The following KCNIP3 variants were observed in gnomAD, a reference collection of about 807,000 sequenced individuals.
The protein encoded by KCNIP3 is potassium voltage-gated channel interacting protein 3.
KCNIP3 carries 28 observed loss-of-function variants against 35.0 expected under a neutral mutation model. That is an observed-to-expected ratio of 0.80 (90% CI 0.59 to 1.10). The LOEUF is 1.10. Among genes scored for constraint, KCNIP3 ranks in the 50% least tolerant of loss-of-function variants. KCNIP3 has a pLI of 0.00. For missense variants in KCNIP3, 295 were observed against 338.4 expected (o/e 0.87, Z 1.01); for synonymous variants, 134 against 133.8 (o/e 1.00, Z -0.01).
At chr2:95,352,764 T>G (rs1006053530) in intron 2 of KCNIP3, among the ~76,000 whole-genome samples, 1 of 150,770 alleles carries the variant, frequency 6.6e-6, no homozygotes, top group African/African-American at 2.4e-5. Context: ...AGTTAGGGGC[T>G]GGCCAGGGGG....
intron 2 of KCNIP3, among the ~76,000 whole-genome samples, chr2:95,319,257 T>C (rs1678532306): frequency 6.6e-6 from 1 of 152,170 alleles, no homozygotes; most frequent in African/African-American, 2.4e-5. Flanking sequence ...GGGCTCAGTC[T>C]AGCCCCAGGT....
chr2:95,325,875 TCAGA>T (rs562048562), intron 2 of KCNIP3, among the ~76,000 whole-genome samples: 175 of 112,878 alleles, frequency 1.6e-3, no homozygotes, highest in Non-Finnish European at 2.7e-3. Flanking sequence ...ACACATACAC[TCAGA>T]CATACACACA....
intron 2 of KCNIP3, among the ~76,000 whole-genome samples, chr2:95,351,275 C>T (rs2104272915): frequency 6.6e-6 from 1 of 152,386 alleles, no homozygotes; most frequent in African/African-American, 2.4e-5. Flanking sequence ...AGTGAAGTGG[C>T]TTTGCATTTC....
chr2:95,356,917 G>A (rs1378752153), intron 2 of KCNIP3, among the ~76,000 whole-genome samples: 1 of 152,200 alleles, frequency 6.6e-6, no homozygotes, highest in Non-Finnish European at 1.5e-5. Context: ...GATGCATGTG[G>A]CCCACACTTG....
Position 95,384,176 on chromosome 2 carries a change from AC to A in KCNIP3, c.*128del, listed in dbSNP as rs1680426288. 1.6e-6 allele frequency: 1 copy of A among 636,654 alleles called. No homozygotes were observed. The allele number at this position is 636,654 out of a possible 1,614,324, so 39.4% of individuals were successfully genotyped here. A position where few individuals can be genotyped will look rare whatever the true frequency, so the allele number is the denominator to read the frequency against. On this transcript the variant is annotated 3_prime_UTR_variant, in exon 9 of 9. Coordinates refer to ENST00000295225, the MANE Select transcript of KCNIP3 (RefSeq NM_013434.5). ...AAAAAGTGAACAGATTGCTACACACACACACACACACACACACACACACACA... is the reference window on the plus strand; with the variant it reads ...AAAAAGTGAACAGATTGCTACACACAACACACACACACACACACACACACA...
intron 2 of KCNIP3, among the ~76,000 whole-genome samples, chr2:95,324,307 C>G (rs541286505): frequency 8.6e-5 from 13 of 151,878 alleles, no homozygotes; most frequent in African/African-American, 2.7e-4. Flanking sequence ...GTCAGGAGAT[C>G]GAGACCATCC....
chr2:95,299,758 C>A (rs1181331504), intron 1 of KCNIP3, among the ~76,000 whole-genome samples: 1 of 152,232 alleles, frequency 6.6e-6, no homozygotes, highest in Non-Finnish European at 1.5e-5. Flanking sequence ...GCGAGATGGG[C>A]CCTAATTTGC....
At chr2:95,312,912 G>A (rs748878052) in intron 2 of KCNIP3, 13 of 152,380 alleles carry the variant, frequency 8.5e-5, no homozygotes, top group African/African-American at 1.2e-4. Context: ...GTCCAAACAC[G>A]TCCCGTGTGT....
Position 95,375,226 on chromosome 2 carries a change from C to A in KCNIP3, c.447+18C>A. ...ACTTTGAGGTAGGTCCTCGCGGATT[C>A]CTCCCACGTGTCCTGCCCCTGTGGT... On this transcript the variant is annotated intron_variant, in intron 5 of 8. Transcript: ENST00000295225. The A allele has an allele frequency of 1.2e-6, 2 of 1,611,186 alleles. No individual in the cohort carries two copies. Among genetic ancestry groups the A allele is most frequent in the Non-Finnish European group, 1.7e-6 (2 of 1,177,374 alleles).
intron 2 of KCNIP3, chr2:95,312,486 A>C (rs1217907050): frequency 1.3e-5 from 2 of 152,436 alleles, no homozygotes; most frequent in Non-Finnish European, 2.9e-5. Context: ...TTTGCTGAAC[A>C]ACTTGTCAAA....
intron 2 of KCNIP3, among the ~76,000 whole-genome samples, chr2:95,357,115 C>T (rs531527957): frequency 2.0e-5 from 3 of 152,324 alleles, no homozygotes; most frequent in Non-Finnish European, 2.9e-5. Flanking sequence ...CCCAGGTCAG[C>T]GGCTCTACTG....
intron 2 of KCNIP3, among the ~76,000 whole-genome samples, chr2:95,322,931 G>A (rs1425633789): frequency 1.3e-5 from 2 of 152,218 alleles, no homozygotes; most frequent in Non-Finnish European, 2.9e-5. Flanking sequence ...CAATGAGGCA[G>A]AGTTCATTAA....
chr2:95,325,720 C>T (rs536226838), intron 2 of KCNIP3, among the ~76,000 whole-genome samples: 1 of 151,848 alleles, frequency 6.6e-6, no homozygotes, highest in African/African-American at 2.4e-5. Context: ...CAGTCATACA[C>T]TTATACACAT....
chr2:95,346,988 G>C (rs200411648), intron 2 of KCNIP3: 1 of 1,547,094 alleles, frequency 6.5e-7, no homozygotes, highest in African/African-American at 1.4e-5. Flanking sequence ...GGGTGCGCCC[G>C]GGCCCCAGGG....
At chr2:95,325,271 C>T (rs556843692) in intron 2 of KCNIP3, among the ~76,000 whole-genome samples, 11 of 152,260 alleles carry the variant, frequency 7.2e-5, no homozygotes, top group South Asian at 2.1e-4. Flanking sequence ...TGGGGCCTGG[C>T]GGAGACGGTG....
At chr2:95,359,003 C>T (rs1679725915) in intron 2 of KCNIP3, among the ~76,000 whole-genome samples, 2 of 152,056 alleles carry the variant, frequency 1.3e-5, no homozygotes, top group African/African-American at 4.8e-5. Flanking sequence ...AAAAAAAGGT[C>T]CCATCTCTTA....
intron 7 of KCNIP3, 117 bp from the exon 8 acceptor site, chr2:95,383,115 A>AACCCCCCCCCCCCCCAACCC: frequency 2.6e-6 from 1 of 390,116 alleles, no homozygotes; most frequent in East Asian, 5.8e-5. Context: ...GAGGGAGCCC[A>AACCCCCCCCCCCCCCAACCC]CCCGCCCATC....
In KCNIP3 at chr2:95,310,640, C is replaced by T. The variant is rs570720412; in HGVS notation, c.181+120C>T. ...CCAGCCTGGGCTACATCGCCCCTGT[C>T]TCTATTGGAGGTGTGTTTTCATTCA... On this transcript the variant is annotated intron_variant, in intron 2 of 8. Transcript: ENST00000295225. 427 of 1,081,428 alleles carry T rather than the reference C, an allele frequency of 3.9e-4. 6 individuals carry two copies. In the South Asian group the frequency reaches 5.4e-3, roughly 14 times the overall value. The allele number at this position is 1,081,428 out of a possible 1,614,324, so 67.0% of individuals were successfully genotyped here.
intron 2 of KCNIP3, 22 bp from the exon 3 acceptor site, chr2:95,374,274 T>C (rs1203754630): frequency 1.2e-6 from 2 of 1,612,090 alleles, no homozygotes; most frequent in East Asian, 4.5e-5. Flanking sequence ...CCTTACACTC[T>C]CTGGTCTGTG....
Sources: gnomAD v4.1 joint callset for allele counts (sites outside exome capture counted in the v4.1 genomes callset) on GRCh38, gnomAD v4.1.1 for gene constraint, MANE v1.5 for transcripts, NCBI Gene and HGNC (gene_info 2026-07-23, HGNC 2026-07-21) for gene names.